Variants in TFB1M observed in about 807,000 individuals in gnomAD.
TFB1M encodes transcription factor B1, mitochondrial, also known as dimethyladenosine transferase 1, mitochondrial.
A neutral mutation model predicts 31.1 loss-of-function variants in TFB1M; 27 were observed. The observed-to-expected ratio is 0.87, with a 90% CI of 0.64 to 1.20. The LOEUF (loss-of-function observed/expected upper bound fraction) is 1.20, where lower values mean the gene tolerates loss of function less well. Among genes scored for constraint, TFB1M ranks in the 50% most tolerant of loss-of-function variants. The probability of loss-of-function intolerance (pLI) is 0.00; values close to 1 mark genes in which losing one functional copy is unlikely to be tolerated. For missense variants in TFB1M, 394 were observed against 418.7 expected (o/e 0.94, Z 0.51); for synonymous variants, 166 against 151.8 (o/e 1.09, Z -0.69).
chr6:155,297,326 A>G (rs754942744), intron 3 of TFB1M, among the ~76,000 whole-genome samples: 7 of 152,170 alleles, frequency 4.6e-5, no homozygotes, highest in Non-Finnish European at 1.0e-4. Context: ...CTGCTCAGTT[A>G]CTCAGAGAAA....
At chr6:155,252,269 T>G (rs1783708492), downstream of TFB1M, among the ~76,000 whole-genome samples, 1 of 152,102 alleles carries the variant, frequency 6.6e-6, no homozygotes, top group Non-Finnish European at 1.5e-5. Context: ...CCCAGGAATT[T>G]GAGACCAGCC....
At chr6:155,239,199 G>T in the TFB1M span, among the ~76,000 whole-genome samples, 1 of 152,216 alleles carries the variant, frequency 6.6e-6, no homozygotes, top group African/African-American at 2.4e-5. Flanking sequence ...TAGAGGTCAG[G>T]CATGAAGGCA....
chr6:155,289,182 T>C (rs979642810), intron 4 of TFB1M, among the ~76,000 whole-genome samples: 5 of 152,064 alleles, frequency 3.3e-5, no homozygotes, highest in African/African-American at 1.2e-4. Flanking sequence ...AGGTAATTAA[T>C]GGAGAGGGTG....
intron 5 of TFB1M, among the ~76,000 whole-genome samples, chr6:155,280,319 G>A (rs1032248420): frequency 2.6e-5 from 4 of 152,152 alleles, no homozygotes; most frequent in African/African-American, 9.7e-5. Flanking sequence ...TCCCAGAGAT[G>A]GAGCTGCCTC....
the TFB1M span, chr6:155,243,983 G>A: frequency 1.9e-6 from 3 of 1,589,668 alleles, no homozygotes; most frequent in Non-Finnish European, 2.6e-6. Flanking sequence ...CTAAAGCGTT[G>A]AAGACACTTT....
At chr6:155,233,467 C>T in the TFB1M span, among the ~76,000 whole-genome samples, 26 of 152,232 alleles carry the variant, frequency 1.7e-4, no homozygotes, top group African/African-American at 6.0e-4. Flanking sequence ...GCTGCTTGAT[C>T]GTCCTAAGCA....
In TFB1M at chr6:155,296,997, C is replaced by T; in HGVS notation, c.502G>A (p.Gly168Ser). 1 of 1,613,964 alleles carries T rather than the reference C, an allele frequency of 6.2e-7. No homozygotes were observed. Among genetic ancestry groups the T allele is most frequent in the Non-Finnish European group, 8.5e-7 (1 of 1,179,938 alleles). ...AAAGTCAAAGTCATCTGAGTTCTGCCATAAACAAAAGGTCCATCTCTACAG... is the reference window on the plus strand; with the variant it reads ...AAAGTCAAAGTCATCTGAGTTCTGCTATAAACAAAAGGTCCATCTCTACAG... ...ISCRDGPFVY[G>S]RTQMTLTFQK... The change falls in exon 4 of 7, where the codon GGC becomes AGC. Residue 168 changes from glycine to serine, a missense_variant. Coordinates refer to ENST00000367166, the MANE Select transcript of TFB1M (RefSeq NM_016020.4).
chr6:155,283,913 G>A (rs1293658437), intron 5 of TFB1M, among the ~76,000 whole-genome samples: 2 of 152,166 alleles, frequency 1.3e-5, no homozygotes, highest in African/African-American at 4.8e-5. Context: ...AAGCACAAAT[G>A]TTTTAAATTT....
At chr6:155,240,452 C>A in the TFB1M span, 2 of 1,467,022 alleles carry the variant, frequency 1.4e-6, no homozygotes, top group East Asian at 2.3e-5. Context: ...CAGACGGAGA[C>A]ACTTGGTGCC....
intron 1 of TFB1M, among the ~76,000 whole-genome samples, chr6:155,313,409 T>G (rs1385100680): frequency 1.3e-5 from 2 of 152,148 alleles, no homozygotes; most frequent in Non-Finnish European, 2.9e-5. Context: ...TGGGTGTGAT[T>G]TACTGCTCTT....
chr6:155,250,776 C>T, the TFB1M span: 10 of 1,117,022 alleles, frequency 9.0e-6, no homozygotes, highest in Non-Finnish European at 1.3e-5. Flanking sequence ...TTTAAGGCCC[C>T]ATGTTTACAG....
intron 5 of TFB1M, 37 bp from the exon 6 acceptor site, chr6:155,260,437 T>A (rs771401140): frequency 1.2e-6 from 2 of 1,613,778 alleles, no homozygotes; most frequent in Admixed American, 1.7e-5. Context: ...TTCTGTGGCA[T>A]GATATGTGGC....
downstream of TFB1M, chr6:155,252,962 G>T (rs769302416): frequency 1.2e-6 from 2 of 1,613,932 alleles, no homozygotes; most frequent in African/African-American, 2.7e-5. Context: ...CGAATTCCCG[G>T]CCTGCACACA....
the TFB1M span, among the ~76,000 whole-genome samples, chr6:155,231,067 C>T: frequency 6.6e-6 from 1 of 151,896 alleles, no homozygotes; most frequent in Non-Finnish European, 1.5e-5. Flanking sequence ...GTCTCAGACT[C>T]CTGACATCAA....
At chr6:155,238,417 T>G in the TFB1M span, among the ~76,000 whole-genome samples, 5 of 152,362 alleles carry the variant, frequency 3.3e-5, no homozygotes, top group South Asian at 1.0e-3. Context: ...TACCCAGCTC[T>G]GAAGTTGCCT....
At chr6:155,276,510 A>T (rs6925410) in intron 5 of TFB1M, 3 of 798,272 alleles carry the variant, frequency 3.8e-6, no homozygotes, top group Non-Finnish European at 4.0e-6. Context: ...ACAACTACAA[A>T]GTAGTTTAAA....
Position 155,256,401 on chromosome 6 carries a change from A to C in TFB1M, c.*1435T>G. 1.9e-6 allele frequency: 3 copies of C among 1,582,748 alleles called. No homozygotes were observed. The highest frequency in any genetic ancestry group is 2.3e-5 in the South Asian group (2 of 85,704). Reference sequence around the variant, plus strand: ...TCATAAAATAAAATCTTAATGTTAAATCTTACACAAGCTTTGAGGCAAACA... The same window carrying C: ...TCATAAAATAAAATCTTAATGTTAACTCTTACACAAGCTTTGAGGCAAACA... On this transcript the variant is annotated 3_prime_UTR_variant, in exon 7 of 7. Transcript: ENST00000367166.
At chr6:155,267,790 A>T (rs1485160964) in intron 5 of TFB1M, among the ~76,000 whole-genome samples, 1 of 152,242 alleles carries the variant, frequency 6.6e-6, no homozygotes, top group Non-Finnish European at 1.5e-5. Context: ...ATCAACCTTC[A>T]CACAGCCAAG....
At chr6:155,293,437 C>T (rs563821765) in intron 4 of TFB1M, among the ~76,000 whole-genome samples, 189 of 152,296 alleles carry the variant, frequency 1.2e-3, no homozygotes, top group African/African-American at 3.9e-3. Context: ...CTTCACCATA[C>T]ATTTTAGCAT....
Sources: allele counts gnomAD v4.1 joint callset (sites outside exome capture counted in the v4.1 genomes callset), GRCh38; gene constraint gnomAD v4.1.1; transcripts MANE v1.5; gene names NCBI Gene and HGNC (gene_info 2026-07-23, HGNC 2026-07-21).